The following KCNK2 variants were observed in gnomAD, a reference collection of about 807,000 sequenced individuals.
KCNK2 encodes the protein potassium channel subfamily K member 2.
In KCNK2, 21 loss-of-function variants were observed where a neutral mutation model predicts 40.5. The observed-to-expected ratio is 0.52, with a 90% CI of 0.37 to 0.75. The LOEUF (loss-of-function observed/expected upper bound fraction) is 0.75, where lower values mean the gene tolerates loss of function less well. Ranked by LOEUF, KCNK2 falls within the 30% of genes least tolerant of loss-of-function variation. The pLI, the probability that KCNK2 is intolerant of heterozygous loss-of-function variation, is 0.00. For missense variants in KCNK2, 399 were observed against 531.6 expected (o/e 0.75, Z 2.45); for synonymous variants, 191 against 202.2 (o/e 0.94, Z 0.47).
At chr1:215,042,104 A>C (rs1192903771) in intron 1 of KCNK2, among the ~76,000 whole-genome samples, 1 of 152,130 alleles carries the variant, frequency 6.6e-6, no homozygotes, top group Non-Finnish European at 1.5e-5. Flanking sequence ...ATTACCTCCC[A>C]CGGGTTCCCT....
chr1:215,125,569 C>G (rs1020947884), intron 3 of KCNK2, among the ~76,000 whole-genome samples: 1 of 151,598 alleles, frequency 6.6e-6, no homozygotes, highest in African/African-American at 2.4e-5. Flanking sequence ...AGGGGAACAT[C>G]ACACACCAGG....
intron 6 of KCNK2, among the ~76,000 whole-genome samples, chr1:215,209,461 T>TATATATAATATATATA (rs1558140219): frequency 0.025 from 57 of 2,236 alleles, 2 homozygotes; most frequent in Non-Finnish European, 0.069. Context: ...TATTATATAT[T>TATATATAATATATATA]ATATATAATA....
intron 3 of KCNK2, among the ~76,000 whole-genome samples, chr1:215,125,455 T>G (rs1351322629): frequency 3.9e-5 from 6 of 152,020 alleles, no homozygotes; most frequent in Non-Finnish European, 8.8e-5. Context: ...AAATGTCCTC[T>G]CTCTGCTAGT....
At chr1:215,229,877 C>G (rs1288100297) in intron 6 of KCNK2, among the ~76,000 whole-genome samples, 1 of 151,690 alleles carries the variant, frequency 6.6e-6, no homozygotes, top group African/African-American at 2.4e-5. Context: ...CTGCACTCCT[C>G]TAAAAGATGT....
chr1:215,062,556 T>C (rs574894647), intron 1 of KCNK2, among the ~76,000 whole-genome samples: 1 of 151,172 alleles, frequency 6.6e-6, no homozygotes, highest in Non-Finnish European at 1.5e-5. Flanking sequence ...CTACACCTGA[T>C]ATGATTTAGA....
At chr1:215,106,534 G>T (rs150119160) in intron 2 of KCNK2, among the ~76,000 whole-genome samples, 31 of 152,144 alleles carry the variant, frequency 2.0e-4, no homozygotes, top group Middle Eastern at 3.4e-3. Context: ...AGTTGTGTAG[G>T]TTGTCTGTGT....
In KCNK2 at chr1:215,093,804, A is replaced by AATATATT. The variant is rs1213869323; in HGVS notation, c.357+7147_357+7153dup. 5.3e-3 allele frequency among the ~76,000 whole-genome samples: 154 copies of AATATATT among 28,904 alleles called. 1 individual carries two copies. Among genetic ancestry groups the AATATATT allele is most frequent in the African/African-American group, 9.6e-3 (151 of 15,650 alleles). The allele number at this position is 28,904 out of a possible 152,430, so 19.0% of individuals were successfully genotyped here. A position where few individuals can be genotyped will look rare whatever the true frequency, so the allele number is the denominator to read the frequency against. ...ATATATTATATATTATATAATATAA[A>AATATATT]ATATATTATATATTATATATTATAT... On this transcript the variant is annotated intron_variant, in intron 2 of 6. Coordinates refer to ENST00000444842, the MANE Select transcript of KCNK2 (RefSeq NM_001017425.3).
chr1:215,150,054 G>T (rs1004554094), intron 3 of KCNK2, among the ~76,000 whole-genome samples: 1 of 152,142 alleles, frequency 6.6e-6, no homozygotes, highest in Admixed American at 6.5e-5. Context: ...AGAACTGATC[G>T]TTATGATCTA....
At chr1:215,122,134 A>G (rs572477178) in intron 2 of KCNK2, among the ~76,000 whole-genome samples, 3 of 152,278 alleles carry the variant, frequency 2.0e-5, no homozygotes, top group African/African-American at 7.2e-5. Flanking sequence ...TCTATATGGT[A>G]TATATAATCA....
At chr1:215,131,072 A>G (rs887569276) in intron 3 of KCNK2, among the ~76,000 whole-genome samples, 2 of 150,630 alleles carry the variant, frequency 1.3e-5, no homozygotes, top group Non-Finnish European at 3.0e-5. Context: ...GTGTTAGCCA[A>G]GATGGTCTCG....
chr1:215,192,245 C>G (rs561898051), intron 5 of KCNK2, among the ~76,000 whole-genome samples: 233 of 152,164 alleles, frequency 1.5e-3, no homozygotes, highest in Non-Finnish European at 1.7e-3. Flanking sequence ...AGTTGTTTGA[C>G]AATATTTCTT....
rs1170340291 is a variant in KCNK2 at position 215,172,025 on chromosome 1, G to T, written c.665G>T (p.Arg222Leu). 1 of 1,611,566 alleles carries T rather than the reference G, an allele frequency of 6.2e-7. No individual in the cohort carries two copies. The highest frequency in any genetic ancestry group is 1.7e-5 in the Admixed American group (1 of 59,686). Residue 222 changes from arginine to leucine, a missense_variant, in exon 5 of 7, where the codon CGC (arginine) becomes CTC (leucine). Physicochemically the swap from Arg to Leu is moderately radical, Grantham distance 102. This residue lies in a region of KCNK2 where 279 missense variants were observed against 353.8 expected (regional missense o/e 0.79). Coordinates refer to ENST00000444842, the MANE Select transcript of KCNK2 (RefSeq NM_001017425.3). ...TGGAATGTTAGTCAGACCAAGATTC[G>T]CATCATCTCAACAATCATATTTATA... The part of the protein sequence containing the change: ...IKWNVSQTKI[R>L]IISTIIFILF...
rs76022456 is a variant in KCNK2 at position 215,058,162 on chromosome 1, A to G, written c.35-28206A>G. Among the ~76,000 whole-genome samples, 636 of 152,258 alleles carry G rather than the reference A, an allele frequency of 4.2e-3. 6 individuals are homozygous for G. The highest frequency in any genetic ancestry group is 0.014 in the African/African-American group (598 of 41,550). ...GCCTCAAGCTCTCTTCTAGGATACC[A>G]TCTCTCTGTCCTTCTCACAGCCATG... On this transcript the variant is annotated intron_variant, in intron 1 of 6. Transcript: ENST00000391895.
chr1:215,197,710 GA>G (rs1664923515), intron 6 of KCNK2, among the ~76,000 whole-genome samples: 1 of 152,058 alleles, frequency 6.6e-6, no homozygotes, highest in Non-Finnish European at 1.5e-5. Context: ...TATTCAAAAT[GA>G]AAACAAGACC....
intron 5 of KCNK2, among the ~76,000 whole-genome samples, chr1:215,188,107 C>A (rs1383991252): frequency 1.3e-5 from 2 of 152,096 alleles, no homozygotes; most frequent in African/African-American, 4.8e-5. Flanking sequence ...ATTTATTTAA[C>A]CATCCAAATA....
At chr1:215,113,558 T>A (rs1660793839) in intron 2 of KCNK2, among the ~76,000 whole-genome samples, 1 of 152,134 alleles carries the variant, frequency 6.6e-6, no homozygotes, top group Non-Finnish European at 1.5e-5. Flanking sequence ...AATAGTTAGC[T>A]TAAAGAGAAG....
At chr1:215,101,415 G>C (rs1302977235) in intron 2 of KCNK2, among the ~76,000 whole-genome samples, 1 of 151,726 alleles carries the variant, frequency 6.6e-6, no homozygotes, top group Admixed American at 6.6e-5. Context: ...TTTTTGGGGT[G>C]GGCAGGAAGT....
Position 215,094,898 on chromosome 1 carries a change from A to G in KCNK2, c.357+8220A>G, listed in dbSNP as rs531718516. Among the ~76,000 whole-genome samples, 406 of 152,216 alleles carry G rather than the reference A, an allele frequency of 2.7e-3. 2 individuals are homozygous for G. Among genetic ancestry groups the G allele is most frequent in the Non-Finnish European group, 4.4e-3 (298 of 67,986 alleles). ...TTGATAGGTGGGATGGTTATTTGAG[A>G]ATGAGAAATTATTCTGCATGTAAAT... On this transcript the variant is annotated intron_variant, in intron 2 of 6. Transcript: ENST00000444842.
intron 6 of KCNK2, among the ~76,000 whole-genome samples, chr1:215,221,721 A>G (rs1250191233): frequency 6.6e-6 from 1 of 152,180 alleles, no homozygotes; most frequent in East Asian, 1.9e-4. Flanking sequence ...GTAGACCCAC[A>G]CAGTTCAAAT....
Sources: allele counts gnomAD v4.1 joint callset (sites outside exome capture counted in the v4.1 genomes callset), GRCh38; gene constraint gnomAD v4.1.1; regional missense constraint gnomAD v4.1.1; transcripts MANE v1.5; gene names NCBI Gene and HGNC (gene_info 2026-07-23, HGNC 2026-07-21).